MCC: variants seen among roughly 807,000 people sequenced by gnomAD.
MCC encodes the protein colorectal mutant cancer protein.
A neutral mutation model predicts 116.2 loss-of-function variants in MCC; 90 were observed. That is an observed-to-expected ratio of 0.77 (90% confidence interval 0.65 to 0.92). The LOEUF is 0.92. MCC is among the 40% of genes least tolerant of loss of function. The pLI is 0.00. For missense variants in MCC, 1,516 were observed against 1,312.2 expected, an observed-to-expected ratio of 1.16 and a Z score of -2.40; for synonymous variants, 578 against 510.5, an observed-to-expected ratio of 1.13 and a Z score of -1.78.
chr5:113,270,489 T>G (rs1443222123), intron 3 of MCC, among the ~76,000 whole-genome samples: 1 of 150,968 alleles, frequency 6.6e-6, no homozygotes, highest in Non-Finnish European at 1.5e-5. Flanking sequence ...AATAAAGCAC[T>G]CAGCCTAGTC....
intron 3 of MCC, among the ~76,000 whole-genome samples, chr5:113,208,122 A>G (rs1021774800): frequency 2.6e-5 from 4 of 152,134 alleles, no homozygotes; most frequent in Non-Finnish European, 5.9e-5. Flanking sequence ...AAATGAGCCA[A>G]TCTGGATAAA....
chr5:113,086,478 G>C (rs750573616), intron 8 of MCC, among the ~76,000 whole-genome samples: 2 of 152,174 alleles, frequency 1.3e-5, no homozygotes, highest in Non-Finnish European at 2.9e-5. Flanking sequence ...ATTTTCCCTG[G>C]AATAGTAGGT....
chr5:113,075,063 G>A (rs1408886754), intron 11 of MCC, among the ~76,000 whole-genome samples: 1 of 152,200 alleles, frequency 6.6e-6, no homozygotes, highest in Non-Finnish European at 1.5e-5. Flanking sequence ...GGAGGGAGAG[G>A]TGCGTGGCAC....
intron 1 of MCC, among the ~76,000 whole-genome samples, chr5:113,467,845 C>A (rs1455304200): frequency 1.3e-5 from 2 of 152,092 alleles, no homozygotes; most frequent in East Asian, 3.8e-4. Flanking sequence ...TTCTTTGTAT[C>A]CTCTTTTATT....
intron 1 of MCC, among the ~76,000 whole-genome samples, chr5:113,413,214 A>C (rs571589702): frequency 6.7e-6 from 1 of 149,830 alleles, no homozygotes; most frequent in Non-Finnish European, 1.5e-5. Flanking sequence ...TTCATCAAGG[A>C]TATTGGTCTA....
At chr5:113,177,510 C>T (rs115621767) in intron 3 of MCC, among the ~76,000 whole-genome samples, 3,106 of 152,222 alleles carry the variant, frequency 0.02, 54 homozygotes, top group Middle Eastern at 0.037. Context: ...CTAGACAGTC[C>T]AATGACTTCA....
intron 2 of MCC, among the ~76,000 whole-genome samples, chr5:113,384,472 C>A (rs902280879): frequency 6.6e-6 from 1 of 152,066 alleles, no homozygotes; most frequent in African/African-American, 2.4e-5. Context: ...CCTGTAGTCC[C>A]AGCTACTCAG....
chr5:113,066,300 T>C (rs1753599653), intron 13 of MCC, among the ~76,000 whole-genome samples: 1 of 152,212 alleles, frequency 6.6e-6, no homozygotes, highest in Admixed American at 6.5e-5. Context: ...CTTTTTCCTT[T>C]AATTTATCAT....
At chr5:113,265,816 T>C (rs1765397452) in intron 3 of MCC, among the ~76,000 whole-genome samples, 1 of 152,242 alleles carries the variant, frequency 6.6e-6, no homozygotes, top group South Asian at 2.1e-4. Context: ...AGTAGAATCA[T>C]ACCCCGTTTC....
intron 1 of MCC, among the ~76,000 whole-genome samples, chr5:113,412,761 A>C (rs1434498141): frequency 6.6e-6 from 1 of 152,116 alleles, no homozygotes; most frequent in African/African-American, 2.4e-5. Flanking sequence ...AATACCATTT[A>C]TTTCTTTCTC....
chr5:113,168,955 A>T (rs1400087837), intron 3 of MCC, among the ~76,000 whole-genome samples: 1 of 152,174 alleles, frequency 6.6e-6, no homozygotes, highest in African/African-American at 2.4e-5. Context: ...CATCCAACAG[A>T]CATAATCGGT....
chr5:113,127,603 C>T (rs1432153352), intron 5 of MCC, among the ~76,000 whole-genome samples: 1 of 152,074 alleles, frequency 6.6e-6, no homozygotes, highest in African/African-American at 2.4e-5. Context: ...TAATGAGCAG[C>T]AATATTGAGC....
At chr5:113,244,313 A>C (rs1230907022) in intron 3 of MCC, among the ~76,000 whole-genome samples, 1 of 152,228 alleles carries the variant, frequency 6.6e-6, no homozygotes. Context: ...ACAGTTAAAT[A>C]ATCTACAAGT....
At chr5:113,091,742 C>T (rs1755657430) in intron 8 of MCC, among the ~76,000 whole-genome samples, 2 of 152,052 alleles carry the variant, frequency 1.3e-5, no homozygotes, top group African/African-American at 2.4e-5. Context: ...ACGAATCAGC[C>T]AGGAGTGGTG....
chr5:113,442,259 T>C (rs1416928314), intron 1 of MCC, among the ~76,000 whole-genome samples: 1 of 152,240 alleles, frequency 6.6e-6, no homozygotes, highest in African/African-American at 2.4e-5. Context: ...CCAGTGATGA[T>C]GAGCATTTTT....
At chr5:113,134,534 G>A (rs971271170) in intron 5 of MCC, among the ~76,000 whole-genome samples, 1 of 124,266 alleles carries the variant, frequency 8.0e-6, no homozygotes, top group African/African-American at 2.9e-5. Context: ...TTTTGCTCAG[G>A]ATTGGCTTTG....
intron 8 of MCC, among the ~76,000 whole-genome samples, chr5:113,089,050 C>A (rs181795376): frequency 6.6e-6 from 1 of 152,178 alleles, no homozygotes; most frequent in Non-Finnish European, 1.5e-5. Flanking sequence ...CTGACACTTG[C>A]GGGAACATCA....
At chr5:113,305,604 G>A (rs528538233) in intron 3 of MCC, among the ~76,000 whole-genome samples, 2 of 152,072 alleles carry the variant, frequency 1.3e-5, no homozygotes, top group South Asian at 2.1e-4. Flanking sequence ...CACTTTTACC[G>A]CTTAGCAGCA....
intron 8 of MCC, among the ~76,000 whole-genome samples, chr5:113,095,027 G>A (rs941711229): frequency 1.3e-5 from 2 of 152,116 alleles, no homozygotes; most frequent in Non-Finnish European, 2.9e-5. Flanking sequence ...ACACAACACT[G>A]GACTCAGGTC....
Sources: gnomAD v4.1 joint callset for allele counts (sites outside exome capture counted in the v4.1 genomes callset) on GRCh38, gnomAD v4.1.1 for gene constraint, MANE v1.5 for transcripts, NCBI Gene and HGNC (gene_info 2026-07-23, HGNC 2026-07-21) for gene names.